PCDHGA6: variants seen among roughly 807,000 people sequenced by gnomAD.
The protein encoded by PCDHGA6 is protocadherin gamma subfamily A, 6, also known as protocadherin gamma-A6.
A neutral mutation model predicts 60.6 loss-of-function variants in PCDHGA6; 41 were observed. The ratio of observed to expected loss-of-function variants is 0.68; its 90% confidence interval spans 0.53 to 0.88. The LOEUF is 0.88. Ranked by LOEUF, PCDHGA6 falls within the 40% of genes least tolerant of loss-of-function variation. The pLI is 0.00. For missense variants in PCDHGA6, 1,312 were observed against 1,203.0 expected, an observed-to-expected ratio of 1.09 and a Z score of -1.34; for synonymous variants, 594 against 524.4, an observed-to-expected ratio of 1.13 and a Z score of -1.81.
Position 141,486,998 on chromosome 5 carries a change from C to T in PCDHGA6, c.2425-7809C>T. 1.2e-6 allele frequency: 2 copies of T among 1,614,206 alleles called. No individual in the cohort carries two copies. Among genetic ancestry groups the T allele is most frequent in the Non-Finnish European group, 1.7e-6 (2 of 1,180,034 alleles). On this transcript the variant is annotated intron_variant, in intron 1 of 3. Transcript: ENST00000517434. The surrounding 1 kb of genome is among the most constrained non-coding windows in gnomAD (Gnocchi z 5.0). The stretch of plus-strand genomic sequence containing the variant: ...AGGTTACAATGCTTGGGTTTCCTAT[C>T]AGCTCCTGGAGGCCCCAGATCCCAG...
rs1048081343 is a variant in PCDHGA6 at position 141,432,618 on chromosome 5, G to C, written c.2424+56111G>C. 6.2e-7 allele frequency: 1 copy of C among 1,612,806 alleles called. No individual in the cohort carries two copies. Among genetic ancestry groups the C allele is most frequent in the South Asian group, 1.1e-5 (1 of 90,950 alleles). ...AGCGAGCCGGGACTCTTCTCGGTGG[G>C]TCTGCACACGGGCGAGGTGCGCACG... On this transcript the variant is annotated intron_variant, in intron 1 of 3. Transcript: ENST00000517434. The surrounding 1 kb of genome is among the most constrained non-coding windows in gnomAD (Gnocchi z 6.0).
chr5:141,385,131 C>A lies in PCDHGA6; in HGVS notation c.2424+8624C>A, dbSNP rs371376308. Reference sequence around the variant, plus strand: ...CCACCTCGCACTTTGTGGGCATGGACGGGGTGCAGGCTTTCCTGCAGACCT... The same window carrying A: ...CCACCTCGCACTTTGTGGGCATGGAAGGGGTGCAGGCTTTCCTGCAGACCT... On this transcript the variant is annotated intron_variant, in intron 1 of 3. Transcript: ENST00000517434. The A allele has an allele frequency of 1.2e-6, 2 of 1,614,200 alleles. No homozygotes were observed. Among genetic ancestry groups the A allele is most frequent in the Non-Finnish European group, 1.7e-6 (2 of 1,180,056 alleles).
In PCDHGA6 at chr5:141,490,363, C is replaced by T. The variant is rs779932482; in HGVS notation, c.2425-4444C>T. 10 of 1,614,036 alleles carry T rather than the reference C, an allele frequency of 6.2e-6. No individual in the cohort carries two copies. The highest frequency in any genetic ancestry group is 1.3e-5 in the African/African-American group (1 of 74,904). The stretch of plus-strand genomic sequence containing the variant: ...CACAGTAGTGGGGTTGTTTAATGTG[C>T]GAGACCGGGACTCAGGTAGAAATGG... On this transcript the variant is annotated intron_variant, in intron 1 of 3. Coordinates refer to ENST00000517434, the MANE Select transcript of PCDHGA6 (RefSeq NM_018919.3). The surrounding 1 kb of genome is among the most constrained non-coding windows in gnomAD (Gnocchi z 5.4).
chr5:141,410,827 A>G lies in PCDHGA6; in HGVS notation c.2424+34320A>G. The G allele has an allele frequency of 1.4e-5, 6 of 440,972 alleles. No individual in the cohort carries two copies. The South Asian group carries it at 2.4e-4, about 18-fold the overall frequency. 27.3% of individuals were successfully genotyped at this position (440,972 alleles called of 1,614,324 possible). The stretch of plus-strand genomic sequence containing the variant: ...TCTTTTTGTAAAATAATGTCACCAG[A>G]CTGAAGATATTTTGTCTTTGTCTTT... On this transcript the variant is annotated intron_variant, in intron 1 of 3. Transcript: ENST00000517434.
intron 1 of PCDHGA6, chr5:141,403,589 A>G (rs1447316737): frequency 1.2e-6 from 2 of 1,613,812 alleles, no homozygotes; most frequent in East Asian, 2.2e-5. Context: ...CCTGGTCCTC[A>G]CGGCCTCGGA....
At position 141,490,543 on chromosome 5, in the gene PCDHGA6, C is replaced by T; in HGVS notation, c.2425-4264C>T. 2 of 1,614,188 alleles carry T rather than the reference C, an allele frequency of 1.2e-6. No homozygotes were observed. Among genetic ancestry groups the T allele is most frequent in the Non-Finnish European group, 8.5e-7 (1 of 1,180,024 alleles). On this transcript the variant is annotated intron_variant, in intron 1 of 3. Transcript: ENST00000517434. The surrounding 1 kb of genome is among the most constrained non-coding windows in gnomAD (Gnocchi z 5.4). ...CAGCGATGCTGGTTCACCTTCCCTA[C>T]ACAAACATCTCACCATCAGGCTCAA...
At chr5:141,449,349 G>C (rs191322076) in intron 1 of PCDHGA6, among the ~76,000 whole-genome samples, 2 of 152,074 alleles carry the variant, frequency 1.3e-5, no homozygotes, top group African/African-American at 4.8e-5. Flanking sequence ...GCTCACTCCT[G>C]TAATCCCAGC....
chr5:141,423,759 G>C, intron 1 of PCDHGA6: 1 of 321,042 alleles, frequency 3.1e-6, no homozygotes, highest in Non-Finnish European at 4.5e-6. Flanking sequence ...TTGGGGGGGG[G>C]GTGGGGCGGC....
intron 1 of PCDHGA6, chr5:141,411,324 C>T (rs1171274674): frequency 1.3e-5 from 2 of 152,166 alleles, no homozygotes; most frequent in Admixed American, 6.5e-5. Context: ...AATCACAGCA[C>T]TTTGATAGGC....
intron 1 of PCDHGA6, chr5:141,403,543 G>C (rs1228327431): frequency 1.2e-6 from 2 of 1,614,006 alleles, no homozygotes; most frequent in Non-Finnish European, 1.7e-6. Context: ...TGGTGCTGGA[G>C]CGCGCCCTGG....
At chr5:141,426,507 C>G in intron 1 of PCDHGA6, 1 of 342,512 alleles carries the variant, frequency 2.9e-6, no homozygotes, top group Non-Finnish European at 5.8e-6. Context: ...AGAAACAATA[C>G]TTTACCGTGA....
chr5:141,486,967 G>C lies in PCDHGA6; in HGVS notation c.2425-7840G>C. The C allele has an allele frequency of 6.2e-7, 1 of 1,614,202 alleles. No homozygotes were observed. Among genetic ancestry groups the C allele is most frequent in the Non-Finnish European group, 8.5e-7 (1 of 1,180,032 alleles). ...TCACAAAGGTGACTGCTGTGGACTT[G>C]GATTCAGGTTACAATGCTTGGGTTT... On this transcript the variant is annotated intron_variant, in intron 1 of 3. Transcript: ENST00000517434. The surrounding 1 kb of genome is among the most constrained non-coding windows in gnomAD (Gnocchi z 5.0).
intron 3 of PCDHGA6, among the ~76,000 whole-genome samples, chr5:141,506,435 G>C (rs1470687416): frequency 7.9e-6 from 1 of 126,278 alleles, no homozygotes; most frequent in East Asian, 2.1e-4. Flanking sequence ...CAACAGTCTC[G>C]CTCTGTCTCA....
At chr5:141,502,231 G>A (rs2099813372) in intron 2 of PCDHGA6, among the ~76,000 whole-genome samples, 1 of 152,172 alleles carries the variant, frequency 6.6e-6, no homozygotes, top group Non-Finnish European at 1.5e-5. Context: ...TGTTCTGTGT[G>A]TTCTTTTATC....
chr5:141,432,428 G>C lies in PCDHGA6; in HGVS notation c.2424+55921G>C. 6.2e-7 allele frequency: 1 copy of C among 1,614,232 alleles called. No homozygotes were observed. On this transcript the variant is annotated intron_variant, in intron 1 of 3. Coordinates refer to ENST00000517434, the MANE Select transcript of PCDHGA6 (RefSeq NM_018919.3). The surrounding 1 kb of genome is among the most constrained non-coding windows in gnomAD (Gnocchi z 6.0). ...GAGCCTGTTCGTGCTGGACCAGAAC[G>C]ACAATGCGCCCGAGATCCTGTACCC...
chr5:141,414,799 G>A, intron 1 of PCDHGA6: 1 of 1,614,214 alleles, frequency 6.2e-7, no homozygotes, highest in Non-Finnish European at 8.5e-7. Context: ...CAGCGACAGC[G>A]GGGATCCTCC....
intron 1 of PCDHGA6, among the ~76,000 whole-genome samples, chr5:141,460,807 A>G (rs2098998307): frequency 6.6e-6 from 1 of 151,962 alleles, no homozygotes; most frequent in Non-Finnish European, 1.5e-5. Context: ...ATATATATGT[A>G]TGTATACATA....
intron 3 of PCDHGA6, 43 bp from the exon 4 acceptor site, chr5:141,510,903 GA>G: frequency 6.2e-7 from 1 of 1,613,454 alleles, no homozygotes; most frequent in Non-Finnish European, 8.5e-7. Flanking sequence ...GACTGTTGAG[GA>G]CCCTAAGTTT....
At chr5:141,408,885 T>G in intron 1 of PCDHGA6, 1 of 1,613,020 alleles carries the variant, frequency 6.2e-7, no homozygotes, top group Middle Eastern at 1.6e-4. Context: ...ACCGCTCACA[T>G]AGAAATTTCT....
Sources: gnomAD v4.1 joint callset for allele counts (sites outside exome capture counted in the v4.1 genomes callset) on GRCh38, gnomAD v4.1.1 for gene constraint, Gnocchi (gnomAD v3.1) non-coding constraint, MANE v1.5 for transcripts, NCBI Gene and HGNC (gene_info 2026-07-23, HGNC 2026-07-21) for gene names.